The following RANBP2 variants were observed in gnomAD, a reference collection of about 807,000 sequenced individuals.
RANBP2 encodes RAN binding protein 2.
Under a neutral mutation model 303.6 loss-of-function variants are expected in RANBP2, and 57 were observed. The ratio of observed to expected loss-of-function variants is 0.19; its 90% CI spans 0.15 to 0.23. The LOEUF (loss-of-function observed/expected upper bound fraction) is 0.23, where lower values mean the gene tolerates loss of function less well. Ranked by LOEUF, RANBP2 falls within the 10% of genes least tolerant of loss-of-function variation. RANBP2 has a pLI of 1.00. For synonymous variants in RANBP2, 1,167 were observed against 1,301.5 expected (o/e 0.90, Z 2.23); for missense variants, 3,138 against 3,780.8 (o/e 0.83, Z 4.46).
chr2:108,752,877 C>G (rs1336797085), intron 12 of RANBP2, 121 bp from the exon 13 acceptor site: 221 of 1,581,596 alleles, frequency 1.4e-4, no homozygotes, highest in Non-Finnish European at 1.9e-4. Context: ...GAACAAATGA[C>G]TATTGAGATA....
the RANBP2 span, among the ~76,000 whole-genome samples, chr2:109,524,331 T>G: frequency 2.7e-5 from 4 of 150,030 alleles, no homozygotes; most frequent in Non-Finnish European, 1.5e-5. Context: ...TCTCATGACA[T>G]GGGGATTTGA....
At chr2:109,106,287 C>G in the RANBP2 span, among the ~76,000 whole-genome samples, 1 of 152,132 alleles carries the variant, frequency 6.6e-6, no homozygotes, top group African/African-American at 2.4e-5. Flanking sequence ...TGCTGCAGAC[C>G]CATATGGATT....
the RANBP2 span, among the ~76,000 whole-genome samples, chr2:109,447,248 A>G: frequency 6.6e-6 from 1 of 151,874 alleles, no homozygotes; most frequent in South Asian, 2.1e-4. Flanking sequence ...TAGAAACAGC[A>G]GGCTGCCTAA....
chr2:108,835,361 T>TA, the RANBP2 span, among the ~76,000 whole-genome samples: 1 of 152,050 alleles, frequency 6.6e-6, no homozygotes, highest in Admixed American at 6.6e-5. Flanking sequence ...GCTCAAAAAT[T>TA]AAAAAAAATT....
At chr2:108,950,843 C>G in the RANBP2 span, among the ~76,000 whole-genome samples, 4 of 152,246 alleles carry the variant, frequency 2.6e-5, no homozygotes, top group African/African-American at 9.6e-5. Flanking sequence ...CCCTACAGAG[C>G]TGTCCTGAAC....
At chr2:109,386,105 G>A in the RANBP2 span, among the ~76,000 whole-genome samples, 12 of 152,238 alleles carry the variant, frequency 7.9e-5, no homozygotes, top group Non-Finnish European at 1.3e-4. Context: ...GGATCTGGAA[G>A]CTAAGGAACG....
the RANBP2 span, among the ~76,000 whole-genome samples, chr2:109,454,246 G>A: frequency 1.3e-5 from 2 of 152,162 alleles, no homozygotes; most frequent in Admixed American, 6.5e-5. Flanking sequence ...GTCGTGGCTG[G>A]TATTTATAAT....
At chr2:108,901,244 G>T in the RANBP2 span, among the ~76,000 whole-genome samples, 25 of 152,080 alleles carry the variant, frequency 1.6e-4, no homozygotes, top group African/African-American at 5.3e-4. Flanking sequence ...ATAATCCACA[G>T]GTCAAAGAGG....
At chr2:108,735,477 G>A (rs1393836947) in intron 4 of RANBP2, 55 bp from the exon 5 acceptor site, 29 of 1,597,130 alleles carry the variant, frequency 1.8e-5, no homozygotes, top group Non-Finnish European at 2.4e-5. Flanking sequence ...AGCATGACTT[G>A]TTTAAAATTG....
the RANBP2 span, among the ~76,000 whole-genome samples, chr2:109,197,094 G>A: frequency 6.6e-6 from 1 of 152,216 alleles, no homozygotes; most frequent in Non-Finnish European, 1.5e-5. Flanking sequence ...ACTGGCCCAA[G>A]GCAACACAGC....
the RANBP2 span, among the ~76,000 whole-genome samples, chr2:109,370,713 G>C: frequency 2.0e-5 from 3 of 151,858 alleles, no homozygotes; most frequent in Non-Finnish European, 2.9e-5. Context: ...TTCCTTCCTC[G>C]ATGACTGCTC....
At chr2:109,617,163 A>G in the RANBP2 span, 4 of 166,576 alleles carry the variant, frequency 2.4e-5, no homozygotes, top group African/African-American at 9.6e-5. Flanking sequence ...ACTTGTAGCA[A>G]TGTTTTACAA....
At chr2:109,204,629 G>A in the RANBP2 span, among the ~76,000 whole-genome samples, 1 of 152,192 alleles carries the variant, frequency 6.6e-6, no homozygotes, top group South Asian at 2.1e-4. Context: ...CCACCACCAG[G>A]TGTGACAACC....
the RANBP2 span, among the ~76,000 whole-genome samples, chr2:109,114,135 T>C: frequency 6.6e-6 from 1 of 152,202 alleles, no homozygotes; most frequent in South Asian, 2.1e-4. Flanking sequence ...GGTATCAGGA[T>C]GATGCTGGCC....
the RANBP2 span, among the ~76,000 whole-genome samples, chr2:109,694,801 A>ATGTGTGTGTGTGTG: frequency 5.5e-5 from 8 of 146,220 alleles, no homozygotes; most frequent in African/African-American, 1.8e-4. Flanking sequence ...ATCCATAGGG[A>ATGTGTGTGTGTGTG]TGTGTGTGTG....
chr2:108,794,138 G>A, the RANBP2 span, among the ~76,000 whole-genome samples: 1 of 152,166 alleles, frequency 6.6e-6, no homozygotes, highest in East Asian at 1.9e-4. Flanking sequence ...TTAAGATTAA[G>A]TAGTGGAGAT....
the RANBP2 span, among the ~76,000 whole-genome samples, chr2:109,511,030 G>C: frequency 6.6e-6 from 1 of 152,214 alleles, no homozygotes; most frequent in Non-Finnish European, 1.5e-5. Flanking sequence ...TCAGGCTTAT[G>C]AAGTAGGAAT....
At chr2:108,849,207 CAG>C in the RANBP2 span, among the ~76,000 whole-genome samples, 9 of 151,954 alleles carry the variant, frequency 5.9e-5, no homozygotes, top group Non-Finnish European at 1.2e-4. Flanking sequence ...AAAAAGAAAA[CAG>C]AACATCAGTG....
the RANBP2 span, among the ~76,000 whole-genome samples, chr2:108,822,764 C>T: frequency 6.6e-6 from 1 of 152,054 alleles, no homozygotes; most frequent in East Asian, 1.9e-4. Context: ...ATACATCATA[C>T]CAAAATTTAT....
Sources: gnomAD v4.1 joint callset for allele counts (sites outside exome capture counted in the v4.1 genomes callset) on GRCh38, gnomAD v4.1.1 for gene constraint, MANE v1.5 for transcripts, NCBI Gene and HGNC (gene_info 2026-07-23, HGNC 2026-07-21) for gene names.